ANO10: variants seen among roughly 807,000 people sequenced by gnomAD.
ANO10 encodes the protein anoctamin-10.
ANO10 carries 77 observed loss-of-function variants against 74.7 expected under a neutral mutation model. The ratio of observed to expected loss-of-function variants is 1.03; its 90% CI spans 0.86 to 1.25. The LOEUF is 1.25. Ranked by LOEUF, ANO10 falls within the 50% of genes most tolerant of loss-of-function variation. The pLI is 0.00. For synonymous variants in ANO10, 279 were observed against 284.9 expected, an observed-to-expected ratio of 0.98 and a Z score of 0.21; for missense variants, 721 against 778.1, an observed-to-expected ratio of 0.93 and a Z score of 0.87.
intron 1 of ANO10, chr3:43,691,032 G>A (rs773970748): frequency 5.1e-6 from 8 of 1,560,370 alleles, no homozygotes; most frequent in African/African-American, 2.8e-5. Context: ...TGCCGACACC[G>A]GAGAGAGGTA....
intron 2 of ANO10, among the ~76,000 whole-genome samples, chr3:43,602,880 T>C (rs1486301690): frequency 6.6e-5 from 10 of 152,230 alleles, no homozygotes; most frequent in Non-Finnish European, 1.2e-4. Context: ...TTTGTTTTCA[T>C]GTCATCAAAT....
chr3:43,480,172 TAGAC>T (rs562230238), intron 11 of ANO10, among the ~76,000 whole-genome samples: 195 of 152,074 alleles, frequency 1.3e-3, no homozygotes, highest in African/African-American at 4.5e-3. Context: ...AATCTCAAAA[TAGAC>T]AGAAGAACCC....
At chr3:43,647,151 A>ATGTGTG (rs1450143460) in intron 1 of ANO10, among the ~76,000 whole-genome samples, 17 of 73,862 alleles carry the variant, frequency 2.3e-4, no homozygotes, top group East Asian at 1.7e-3. Flanking sequence ...ATATGTGTAT[A>ATGTGTG]TATGTGTGTG....
intron 12 of ANO10, among the ~76,000 whole-genome samples, chr3:43,401,145 C>T (rs375190327): frequency 3.3e-5 from 5 of 152,252 alleles, no homozygotes; most frequent in African/African-American, 1.2e-4. Context: ...GGCCCCCAGC[C>T]TTTTGTTTTG....
chr3:43,475,380 C>T (rs987817054), intron 11 of ANO10, among the ~76,000 whole-genome samples: 4 of 152,030 alleles, frequency 2.6e-5, no homozygotes, highest in African/African-American at 7.2e-5. Context: ...TAAATATTCA[C>T]CTATAATTCT....
intron 12 of ANO10, among the ~76,000 whole-genome samples, chr3:43,403,505 C>T (rs952607018): frequency 1.3e-5 from 2 of 152,148 alleles, no homozygotes; most frequent in Non-Finnish European, 2.9e-5. Context: ...GAAGGGCCGG[C>T]TACTCCAAGT....
chr3:43,482,716 A>C (rs931715962), intron 11 of ANO10, among the ~76,000 whole-genome samples: 5 of 152,188 alleles, frequency 3.3e-5, no homozygotes, highest in Admixed American at 3.3e-4. Flanking sequence ...AATAGCTCCT[A>C]ATCTCACATC....
chr3:43,659,035 G>A (rs1390173949), intron 1 of ANO10, among the ~76,000 whole-genome samples: 1 of 152,106 alleles, frequency 6.6e-6, no homozygotes, highest in African/African-American at 2.4e-5. Context: ...TAAGTATGAG[G>A]GGAAAAGGCA....
At chr3:43,508,803 G>A (rs2077396397) in intron 11 of ANO10, among the ~76,000 whole-genome samples, 1 of 151,912 alleles carries the variant, frequency 6.6e-6, no homozygotes, top group African/African-American at 2.4e-5. Flanking sequence ...GTGGGGTAGG[G>A]GGAGGCGGGA....
At chr3:43,614,728 C>T (rs1365215530) in intron 1 of ANO10, among the ~76,000 whole-genome samples, 2 of 136,482 alleles carry the variant, frequency 1.5e-5, no homozygotes, top group Non-Finnish European at 3.1e-5. Flanking sequence ...CATAACAATG[C>T]TATTTCTAAG....
intron 2 of ANO10, among the ~76,000 whole-genome samples, chr3:43,603,776 CCT>C (rs1018112456): frequency 2.2e-4 from 33 of 152,270 alleles, no homozygotes; most frequent in African/African-American, 7.7e-4. Flanking sequence ...TTAGCAACCC[CCT>C]GATTTCTGCA....
chr3:43,566,258 G>A (rs1400818473), intron 7 of ANO10, among the ~76,000 whole-genome samples: 1 of 152,184 alleles, frequency 6.6e-6, no homozygotes, highest in East Asian at 1.9e-4. Flanking sequence ...GAGGCTGGGG[G>A]AGGGGCGCCC....
chr3:43,591,464 A>T (rs2081751135), intron 4 of ANO10, among the ~76,000 whole-genome samples: 1 of 152,140 alleles, frequency 6.6e-6, no homozygotes, highest in Non-Finnish European at 1.5e-5. Flanking sequence ...CATTCCTTGG[A>T]ATCCGTGAGG....
chr3:43,422,092 AAAG>A (rs1233061590), intron 12 of ANO10, among the ~76,000 whole-genome samples: 1 of 152,160 alleles, frequency 6.6e-6, no homozygotes, highest in East Asian at 1.9e-4. Flanking sequence ...TAACTTTAAA[AAAG>A]AATACATCTT....
intron 1 of ANO10, among the ~76,000 whole-genome samples, chr3:43,643,120 C>T (rs1466650453): frequency 1.3e-5 from 2 of 151,786 alleles, no homozygotes; most frequent in African/African-American, 4.8e-5. Context: ...CAAGCTCCGC[C>T]TCCCGGGTTC....
chr3:43,551,925 T>C (rs2079481847), intron 10 of ANO10, among the ~76,000 whole-genome samples: 1 of 152,212 alleles, frequency 6.6e-6, no homozygotes, highest in Non-Finnish European at 1.5e-5. Context: ...TTACAGGTAA[T>C]GTAGTTATTG....
At chr3:43,560,079 G>A (rs1188669142) in intron 9 of ANO10, among the ~76,000 whole-genome samples, 2 of 152,216 alleles carry the variant, frequency 1.3e-5, no homozygotes, top group Non-Finnish European at 2.9e-5. Flanking sequence ...CCCCTGGAGT[G>A]TAACTGGAGC....
chr3:43,454,945 T>C (rs751983763), intron 11 of ANO10, among the ~76,000 whole-genome samples: 2 of 151,836 alleles, frequency 1.3e-5, no homozygotes, highest in Non-Finnish European at 2.9e-5. Context: ...AAAAAGACAA[T>C]GCAAGTGAGA....
intron 1 of ANO10, among the ~76,000 whole-genome samples, chr3:43,659,553 T>C (rs2083897679): frequency 1.3e-5 from 2 of 152,166 alleles, no homozygotes; most frequent in South Asian, 2.1e-4. Flanking sequence ...TATGCTCACA[T>C]TGTAAACAAA....
Sources: allele counts gnomAD v4.1 joint callset (sites outside exome capture counted in the v4.1 genomes callset), GRCh38; gene constraint gnomAD v4.1.1; transcripts MANE v1.5; gene names NCBI Gene and HGNC (gene_info 2026-07-23, HGNC 2026-07-21).